The following ZFAND3 variants were observed in gnomAD, a reference collection of about 807,000 sequenced individuals.
The protein encoded by ZFAND3 is zinc finger AN1-type containing 3.
A neutral mutation model predicts 29.6 loss-of-function variants in ZFAND3; 10 were observed. The observed-to-expected ratio is 0.34, with a 90% CI of 0.21 to 0.57. The LOEUF is 0.57. ZFAND3 is among the 20% of genes least tolerant of loss of function. The pLI, the probability that ZFAND3 is intolerant of heterozygous loss-of-function variation, is 0.86. For synonymous variants in ZFAND3, 128 were observed against 112.6 expected (o/e 1.14, Z -0.87); for missense variants, 230 against 304.5 (o/e 0.76, Z 1.82).
At chr6:37,916,220 A>G (rs9470730) in intron 1 of ZFAND3, among the ~76,000 whole-genome samples, 7 of 152,178 alleles carry the variant, frequency 4.6e-5, no homozygotes, top group African/African-American at 1.7e-4. Flanking sequence ...TGTTTGAAAT[A>G]TTGCAAACCT....
At chr6:38,005,821 T>C (rs963284820) in intron 2 of ZFAND3, among the ~76,000 whole-genome samples, 5 of 152,194 alleles carry the variant, frequency 3.3e-5, no homozygotes, top group African/African-American at 1.2e-4. Flanking sequence ...AGTTGACCAC[T>C]TGAGTGTTGT....
At chr6:37,955,620 A>G (rs1383130248) in intron 2 of ZFAND3, among the ~76,000 whole-genome samples, 1 of 152,222 alleles carries the variant, frequency 6.6e-6, no homozygotes, top group East Asian at 1.9e-4. Context: ...CCCAGTAACT[A>G]TTATAAACCA....
rs1440784422 is a variant in ZFAND3 at position 37,883,525 on chromosome 6, T to C, written c.72-46434T>C. ...AAATCTACCCCATATTTAAATGATG[T>C]ATACCTTTTCTTTTCTTTCTTTCTT... is the stretch of plus-strand genomic sequence containing the variant. On this transcript the variant is annotated intron_variant, in intron 1 of 5. Coordinates refer to ENST00000287218, the MANE Select transcript of ZFAND3 (RefSeq NM_021943.3). Among the ~76,000 whole-genome samples the C allele has an allele frequency of 2.5e-5, 3 of 117,662 alleles. 1 individual carries two copies. Among genetic ancestry groups the C allele is most frequent in the African/African-American group, 1.4e-4 (3 of 20,984 alleles). The allele number at this position is 117,662 out of a possible 152,430, so 77.2% of individuals were successfully genotyped here. A position where few individuals can be genotyped will look rare whatever the true frequency, so the allele number is the denominator to read the frequency against.
At chr6:37,949,072 T>C (rs1157800762) in intron 2 of ZFAND3, among the ~76,000 whole-genome samples, 2 of 152,178 alleles carry the variant, frequency 1.3e-5, no homozygotes, top group Non-Finnish European at 2.9e-5. Context: ...TAATTTACTT[T>C]CCCACCAGCA....
At chr6:38,014,162 G>A (rs548894236) in intron 2 of ZFAND3, among the ~76,000 whole-genome samples, 2 of 152,216 alleles carry the variant, frequency 1.3e-5, no homozygotes, top group African/African-American at 4.8e-5. Context: ...TTCTATAAAG[G>A]CTGTATGGGA....
At chr6:37,895,142 A>C (rs767646091) in intron 1 of ZFAND3, among the ~76,000 whole-genome samples, 28 of 152,112 alleles carry the variant, frequency 1.8e-4, no homozygotes, top group South Asian at 1.2e-3. Flanking sequence ...TACATATATT[A>C]AGCCTTTTAA....
intron 1 of ZFAND3, among the ~76,000 whole-genome samples, chr6:37,873,873 G>A (rs1176636713): frequency 6.6e-6 from 1 of 152,168 alleles, no homozygotes; most frequent in Admixed American, 6.5e-5. Flanking sequence ...ATGTGACTGT[G>A]TCCCAGAAAA....
At chr6:38,076,261 C>T (rs953241004) in intron 3 of ZFAND3, among the ~76,000 whole-genome samples, 1 of 152,114 alleles carries the variant, frequency 6.6e-6, no homozygotes, top group Non-Finnish European at 1.5e-5. Flanking sequence ...GGACATCATG[C>T]TGTTGCACAC....
At chr6:38,144,316 A>G (rs1038041212) in intron 5 of ZFAND3, among the ~76,000 whole-genome samples, 1 of 151,344 alleles carries the variant, frequency 6.6e-6, no homozygotes, top group African/African-American at 2.4e-5. Context: ...GACACTTTAG[A>G]TGCCAAGTGG....
At chr6:38,030,784 GA>G (rs943802315) in intron 2 of ZFAND3, among the ~76,000 whole-genome samples, 1 of 151,942 alleles carries the variant, frequency 6.6e-6, no homozygotes, top group Non-Finnish European at 1.5e-5. Flanking sequence ...CAAAAAAAAA[GA>G]AAAAAACTTC....
intron 1 of ZFAND3, among the ~76,000 whole-genome samples, chr6:37,886,095 G>A (rs776525052): frequency 4.6e-5 from 7 of 151,694 alleles, no homozygotes; most frequent in African/African-American, 1.2e-4. Context: ...AAAACCAGCC[G>A]GGCGTGGAGG....
intron 2 of ZFAND3, among the ~76,000 whole-genome samples, chr6:37,945,704 A>G (rs971173296): frequency 2.0e-5 from 3 of 152,162 alleles, no homozygotes; most frequent in African/African-American, 7.2e-5. Context: ...TATCAGTGGT[A>G]ATTTATTTTT....
chr6:38,022,212 A>G (rs1225066243), intron 2 of ZFAND3, among the ~76,000 whole-genome samples: 2 of 152,166 alleles, frequency 1.3e-5, no homozygotes, highest in Non-Finnish European at 2.9e-5. Flanking sequence ...AATGCACATT[A>G]AAATTTGAGA....
At chr6:38,135,533 T>G (rs1302044561) in intron 5 of ZFAND3, among the ~76,000 whole-genome samples, 3 of 151,840 alleles carry the variant, frequency 2.0e-5, no homozygotes, top group Non-Finnish European at 4.4e-5. Context: ...TCACCTGAGG[T>G]CAGGAGTTCG....
At position 38,063,492 on chromosome 6, in the gene ZFAND3, T is replaced by C. The variant is rs985920724; in HGVS notation, c.295+1717T>C. ...CAGTAATGATGAGCTTGACAAACCC[T>C]GATACATGTTTGCATACACCCATGT... On this transcript the variant is annotated intron_variant, in intron 3 of 5. Coordinates refer to ENST00000287218, the MANE Select transcript of ZFAND3 (RefSeq NM_021943.3). Among the ~76,000 whole-genome samples the C allele has an allele frequency of 3.5e-4, 54 of 152,144 alleles. 2 individuals are homozygous for C. The highest frequency in any genetic ancestry group is 4.4e-5 in the Non-Finnish European group (3 of 68,014).
At chr6:37,983,412 A>T (rs1430759475) in intron 2 of ZFAND3, among the ~76,000 whole-genome samples, 1 of 121,768 alleles carries the variant, frequency 8.2e-6, no homozygotes, top group African/African-American at 3.2e-5. Flanking sequence ...GCTGGAGTGC[A>T]ATGGTGTGAC....
At chr6:37,831,392 C>G (rs934509857) in intron 1 of ZFAND3, among the ~76,000 whole-genome samples, 7 of 152,234 alleles carry the variant, frequency 4.6e-5, no homozygotes, top group Non-Finnish European at 1.0e-4. Flanking sequence ...TGGCCATTTT[C>G]CAGAGCCAGT....
At chr6:37,840,459 TGTAATAG>T (rs1764051892) in intron 1 of ZFAND3, among the ~76,000 whole-genome samples, 1 of 152,272 alleles carries the variant, frequency 6.6e-6, no homozygotes, top group Admixed American at 6.5e-5. Flanking sequence ...GTACTTCCTT[TGTAATAG>T]GTTTTGAAAC....
At chr6:37,985,361 C>T (rs1269343939) in intron 2 of ZFAND3, among the ~76,000 whole-genome samples, 1 of 152,192 alleles carries the variant, frequency 6.6e-6, no homozygotes, top group Non-Finnish European at 1.5e-5. Flanking sequence ...AGAACCTAGG[C>T]TCATGGCTGT....
Sources: allele counts gnomAD v4.1 joint callset (sites outside exome capture counted in the v4.1 genomes callset), GRCh38; gene constraint gnomAD v4.1.1; transcripts MANE v1.5; gene names NCBI Gene and HGNC (gene_info 2026-07-23, HGNC 2026-07-21).